Variants in BIRC6 observed in about 807,000 individuals in gnomAD.
The protein encoded by BIRC6 is dual E2 ubiquitin-conjugating enzyme/E3 ubiquitin-protein ligase BIRC6.
A neutral mutation model predicts 503.3 loss-of-function variants in BIRC6; 98 were observed. The ratio of observed to expected loss-of-function variants is 0.19; its 90% CI spans 0.17 to 0.23. The LOEUF (loss-of-function observed/expected upper bound fraction) is 0.23. Among genes scored for constraint, BIRC6 ranks in the 10% least tolerant of loss-of-function variants. The pLI is 1.00. For synonymous variants in BIRC6, 2,240 were observed against 2,078.7 expected, an observed-to-expected ratio of 1.08 and a Z score of -2.11; for missense variants, 5,360 against 5,806.0, an observed-to-expected ratio of 0.92 and a Z score of 2.50.
chr2:32,501,775 G>C lies in BIRC6; in HGVS notation c.9094G>C (p.Val3032Leu), dbSNP rs1338764392. 6.2e-7 allele frequency: 1 copy of C among 1,613,720 alleles called. No homozygotes were observed. The highest frequency in any genetic ancestry group is 1.7e-5 in the Admixed American group (1 of 59,968). The change falls in exon 47 of 74, where the codon GTT becomes CTT. Residue 3032 changes from valine (V) to leucine (L), a missense_variant. Physicochemically the swap from Val to Leu is conservative, Grantham distance 32. This residue lies in a region of BIRC6 where 267 missense variants were observed against 287.6 expected (regional missense o/e 0.93). Transcript: ENST00000421745. ...NFHGGLDAIS[V>L]GDGLFTILTT... ...TCATGGTGGGTTGGATGCCATATCA[G>C]TTGGGGATGGATTATTTACCATACT...
At chr2:32,613,933 T>G (rs988010096) in intron 73 of BIRC6, among the ~76,000 whole-genome samples, 8 of 152,188 alleles carry the variant, frequency 5.3e-5, no homozygotes, top group Non-Finnish European at 8.8e-5. Context: ...TCTGTAACCC[T>G]GACTTTGGCC....
chr2:32,576,901 A>G (rs1443443037), intron 66 of BIRC6, among the ~76,000 whole-genome samples: 1 of 152,206 alleles, frequency 6.6e-6, no homozygotes, highest in African/African-American at 2.4e-5. Flanking sequence ...AAAAAGTTGT[A>G]GACTCATACA....
rs760119340 is a variant in BIRC6 at position 32,473,184 on chromosome 2, G to A, written c.6665G>A (p.Ser2222Asn). Residue 2222 changes from serine (S) to asparagine (N), a missense_variant, in exon 33 of 74, where the codon AGC (serine) becomes AAC (asparagine). This residue lies in a region of BIRC6 where 2,299 missense variants were observed against 2,267.2 expected (regional missense o/e 1.01). Coordinates refer to ENST00000421745, the MANE Select transcript of BIRC6 (RefSeq NM_016252.4). ...SLNRSSKGSS[S>N]LDRLYSRKIR... The stretch of plus-strand genomic sequence containing the variant: ...AATAGATCTTCTAAAGGCAGCAGTA[G>A]CCTTGATAGATTATATTCCAGAAAA... The A allele has an allele frequency of 3.2e-6, 5 of 1,565,004 alleles. No individual in the cohort carries two copies. Among genetic ancestry groups the A allele is most frequent in the Non-Finnish European group, 4.3e-6 (5 of 1,152,530 alleles).
Position 32,525,444 on chromosome 2 carries a change from TACTG to T in BIRC6, c.11756-18_11756-15del. 1 of 1,613,772 alleles carries T rather than the reference TACTG, an allele frequency of 6.2e-7. No homozygotes were observed. The highest frequency in any genetic ancestry group is 8.5e-7 in the Non-Finnish European group (1 of 1,179,684). On this transcript the variant is annotated splice_polypyrimidine_tract_variant and intron_variant, in intron 58 of 73. Coordinates refer to ENST00000421745, the MANE Select transcript of BIRC6 (RefSeq NM_016252.4). ...TTAGTGTGTTGACTATGTAGAATCT[TACTG>T]ATCCTTTTCTTTTAGGGCTGAAGTC...
chr2:32,408,616 T>TG (rs1194388135), intron 9 of BIRC6, among the ~76,000 whole-genome samples: 1 of 152,198 alleles, frequency 6.6e-6, no homozygotes, highest in East Asian at 1.9e-4. Flanking sequence ...TACTCGTATT[T>TG]GGCCAATTTT....
At chr2:32,540,456 C>A (rs1476154448) in intron 61 of BIRC6, among the ~76,000 whole-genome samples, 1 of 151,882 alleles carries the variant, frequency 6.6e-6, no homozygotes, top group African/African-American at 2.4e-5. Flanking sequence ...AGAGTCTTTT[C>A]TTTGGGAAAT....
At chr2:32,608,290 A>T (rs947497361) in intron 72 of BIRC6, among the ~76,000 whole-genome samples, 24 of 151,958 alleles carry the variant, frequency 1.6e-4, no homozygotes, top group Non-Finnish European at 1.9e-4. Flanking sequence ...CTCAGAAAAA[A>T]AAAAAATGGT....
Position 32,502,787 on chromosome 2 carries a change from T to G in BIRC6, c.9208-8T>G. 6.2e-7 allele frequency: 1 copy of G among 1,603,312 alleles called. No homozygotes were observed. The highest frequency in any genetic ancestry group is 8.5e-7 in the Non-Finnish European group (1 of 1,173,570). On this transcript the variant is annotated splice_polypyrimidine_tract_variant and splice_region_variant and intron_variant, in intron 47 of 73. Transcript: ENST00000421745. Reference sequence around the variant, plus strand: ...ATAAAGTCATAATATGCATATTTCATTTTTTAGGGCTCTCTTGCTACTTGC... The same window carrying G: ...ATAAAGTCATAATATGCATATTTCAGTTTTTAGGGCTCTCTTGCTACTTGC...
chr2:32,617,645 G>C, intron 73 of BIRC6, 80 bp from the exon 74 acceptor site: 2 of 1,417,200 alleles, frequency 1.4e-6, no homozygotes, highest in Non-Finnish European at 1.9e-6. Flanking sequence ...TTTGGGCTTT[G>C]TTGAAATTCA....
At chr2:32,603,661 T>C (rs1573322711) in intron 71 of BIRC6, among the ~76,000 whole-genome samples, 1 of 151,970 alleles carries the variant, frequency 6.6e-6, no homozygotes, top group Non-Finnish European at 1.5e-5. Flanking sequence ...GAGGAGGAGA[T>C]TGCAGTGAGC....
intron 65 of BIRC6, among the ~76,000 whole-genome samples, chr2:32,571,378 CTTT>C (rs61599835): frequency 1.0e-3 from 21 of 20,314 alleles, no homozygotes; most frequent in East Asian, 7.1e-3. Flanking sequence ...TGGTCCTGGG[CTTT>C]TTTTTTTTTT....
intron 1 of BIRC6, among the ~76,000 whole-genome samples, chr2:32,358,336 T>C (rs753232274): frequency 6.6e-6 from 1 of 152,064 alleles, no homozygotes; most frequent in Non-Finnish European, 1.5e-5. Context: ...GGAGAGCACT[T>C]CTGGGTGGCG....
intron 67 of BIRC6, among the ~76,000 whole-genome samples, chr2:32,594,691 T>C (rs2061570066): frequency 6.9e-6 from 1 of 145,588 alleles, no homozygotes; most frequent in Admixed American, 7.0e-5. Context: ...AGTAATACTC[T>C]GTTTCCAGAT....
At chr2:32,597,536 A>G (rs773966948) in intron 68 of BIRC6, among the ~76,000 whole-genome samples, 5 of 152,198 alleles carry the variant, frequency 3.3e-5, no homozygotes, top group Non-Finnish European at 5.9e-5. Flanking sequence ...GTATCCCTAT[A>G]GCATGTGAAA....
intron 59 of BIRC6, chr2:32,528,964 A>G (rs1159702754): frequency 2.6e-5 from 4 of 152,320 alleles, no homozygotes; most frequent in East Asian, 3.9e-4. Context: ...AAAAGAAAAA[A>G]AAAGAAATCT....
At chr2:32,539,830 A>C (rs1169597078) in intron 61 of BIRC6, among the ~76,000 whole-genome samples, 1 of 152,096 alleles carries the variant, frequency 6.6e-6, no homozygotes, top group East Asian at 1.9e-4. Flanking sequence ...ATATAAAACA[A>C]AAAAATCAAA....
chr2:32,534,728 C>A (rs2150094858), intron 61 of BIRC6, among the ~76,000 whole-genome samples: 1 of 55,200 alleles, frequency 1.8e-5, no homozygotes. Context: ...AAGACTCTGT[C>A]TCAAAAAAAA....
intron 4 of BIRC6, among the ~76,000 whole-genome samples, chr2:32,391,134 A>C (rs1433304978): frequency 6.6e-6 from 1 of 152,236 alleles, no homozygotes. Context: ...CTTTGCAAAC[A>C]GTTGCAGTGT....
At chr2:32,434,640 G>C (rs1299459679) in intron 13 of BIRC6, among the ~76,000 whole-genome samples, 1 of 152,152 alleles carries the variant, frequency 6.6e-6, no homozygotes, top group African/African-American at 2.4e-5. Context: ...TTTAGCCCAG[G>C]AATTTGAGAC....
Sources: allele counts gnomAD v4.1 joint callset (sites outside exome capture counted in the v4.1 genomes callset), GRCh38; gene constraint gnomAD v4.1.1; regional missense constraint gnomAD v4.1.1; transcripts MANE v1.5; gene names NCBI Gene and HGNC (gene_info 2026-07-23, HGNC 2026-07-21).